RAB11FIP1: variants seen among roughly 807,000 people sequenced by gnomAD.
RAB11FIP1 encodes rab11 family-interacting protein 1.
Under a neutral mutation model 83.1 loss-of-function variants are expected in RAB11FIP1, and 49 were observed. That is an observed-to-expected ratio of 0.59 (90% CI 0.47 to 0.75). RAB11FIP1 has a LOEUF of 0.75. Ranked by LOEUF, RAB11FIP1 falls within the 30% of genes least tolerant of loss-of-function variation. The probability of loss-of-function intolerance (pLI) is 0.00; values close to 1 mark genes in which losing one functional copy is unlikely to be tolerated. For synonymous variants in RAB11FIP1, 670 were observed against 656.0 expected (o/e 1.02, Z -0.33); for missense variants, 1,536 against 1,598.7 (o/e 0.96, Z 0.67).
Position 37,875,193 on chromosome 8 carries a change from G to A in RAB11FIP1, c.944C>T (p.Ser315Phe). Residue 315 changes from serine to phenylalanine, a missense_variant, in exon 3 of 6, where the codon TCT (serine) becomes TTT (phenylalanine). By Grantham distance (155) the Ser-to-Phe change is radical. Coordinates refer to ENST00000330843, the MANE Select transcript of RAB11FIP1 (RefSeq NM_001002814.3). ...LRSKNDVLSRSNVCINGNHVY... is the reference protein window; with the variant it reads ...LRSKNDVLSRFNVCINGNHVY... ...ATGGTTCCCATTGATGCAGACATTA[G>A]AGCGGGAAAGGACATCATTCTTAGA... 4.3e-6 allele frequency: 7 copies of A among 1,614,160 alleles called. No individual in the cohort carries two copies. Among genetic ancestry groups the A allele is most frequent in the Non-Finnish European group, 5.9e-6 (7 of 1,180,032 alleles).
At chr8:37,866,763 C>T (rs1379661186) in intron 5 of RAB11FIP1, among the ~76,000 whole-genome samples, 1 of 152,018 alleles carries the variant, frequency 6.6e-6, no homozygotes, top group African/African-American at 2.4e-5. Flanking sequence ...ACCTCTCTTA[C>T]TTTGCAACAT....
At position 37,871,597 on chromosome 8, in the gene RAB11FIP1, G is replaced by A. The variant is rs201163531; in HGVS notation, c.3205C>T (p.Pro1069Ser). ...GGTTTTTCTTCCTCACCACCACTGG[G>A]GCCTGGCAGCTGTTTATCCAAGCTT... ...SSSLDKQLPG[P>S]SGGEEEKPMG... The change falls in exon 4 of 6, where the codon CCC becomes TCC. Residue 1069 changes from proline (P) to serine (S), a missense_variant. Transcript: ENST00000330843. 1.2e-4 allele frequency: 199 copies of A among 1,602,500 alleles called. 2 individuals carry two copies. The South Asian group carries it at 1.5e-3, about 12-fold the overall frequency.
intron 1 of RAB11FIP1, among the ~76,000 whole-genome samples, chr8:37,882,585 G>A (rs180991543): frequency 2.0e-5 from 3 of 152,100 alleles, no homozygotes; most frequent in East Asian, 1.9e-4. Flanking sequence ...TTTCGGGAAC[G>A]TCCTACTCTG....
rs1806472715 is a variant in RAB11FIP1, at chr8:37,871,884, T to C, written c.2918A>G (p.Asp973Gly). ...CTGATCTCCGTCATCTTCAACCTGA[T>C]CTATTCTTTCATCATCCGATGCGAC... ...PEVASDDERI[D>G]QVEDDGDQVE... Residue 973 changes from aspartate (D) to glycine (G), a missense_variant, in exon 4 of 6, where the codon GAT becomes GGT. Asp to Gly is a moderately conservative substitution (Grantham distance 94). Coordinates refer to ENST00000330843, the MANE Select transcript of RAB11FIP1 (RefSeq NM_001002814.3). 2 of 1,614,172 alleles carry C rather than the reference T, an allele frequency of 1.2e-6. No individual in the cohort carries two copies. The highest frequency in any genetic ancestry group is 1.7e-6 in the Non-Finnish European group (2 of 1,180,036).
chr8:37,887,149 T>C (rs531556134), intron 1 of RAB11FIP1, among the ~76,000 whole-genome samples: 53 of 152,302 alleles, frequency 3.5e-4, no homozygotes, highest in African/African-American at 1.2e-3. Context: ...AAATAGGTCA[T>C]GGCTTGTTTT....
At chr8:37,895,377 C>T (rs1318547802) in intron 1 of RAB11FIP1, among the ~76,000 whole-genome samples, 1 of 136,250 alleles carries the variant, frequency 7.3e-6, no homozygotes, top group Non-Finnish European at 1.5e-5. Context: ...TCCCAAAGTG[C>T]TAGGATTACA....
chr8:37,892,425 A>ATATT (rs146042883), intron 1 of RAB11FIP1, among the ~76,000 whole-genome samples: 18,045 of 144,062 alleles, frequency 0.13, 1,226 homozygotes, highest in Middle Eastern at 0.22. Flanking sequence ...ACTTTTATTT[A>ATATT]TATTTATTTA....
chr8:37,887,818 A>G (rs1471887458), intron 1 of RAB11FIP1, among the ~76,000 whole-genome samples: 2 of 152,250 alleles, frequency 1.3e-5, no homozygotes, highest in East Asian at 3.8e-4. Context: ...TTAGCTGTAC[A>G]TATGCAATTT....
At chr8:37,868,743 A>G (rs1047009584) in intron 5 of RAB11FIP1, among the ~76,000 whole-genome samples, 2 of 152,202 alleles carry the variant, frequency 1.3e-5, no homozygotes, top group African/African-American at 4.8e-5. Flanking sequence ...GATGAAGACA[A>G]TCCTAGGCAG....
At chr8:37,895,244 TATATATATATATATA>T (rs1470573338) in intron 1 of RAB11FIP1, among the ~76,000 whole-genome samples, 22 of 11,930 alleles carry the variant, frequency 1.8e-3, no homozygotes, top group African/African-American at 2.7e-3. Flanking sequence ...TATATATATA[TATATATATATATATA>T]TTTTTTTTTT....
rs537114229 is a variant in RAB11FIP1, at chr8:37,889,055, G to A, written c.371+10016C>T. Among the ~76,000 whole-genome samples the A allele has an allele frequency of 3.3e-5, 5 of 151,070 alleles. No individual in the cohort carries two copies. The South Asian group carries it at 1.1e-3, about 32-fold the overall frequency. ...CTCGTGATCTGCCCGCCTCGGCCTC[G>A]CAAAGTGCTGGGATTACAGGCATGA... On this transcript the variant is annotated intron_variant, in intron 1 of 5. Transcript: ENST00000330843.
In RAB11FIP1 at chr8:37,871,557, C is replaced by T; in HGVS notation, c.3245G>A (p.Ser1082Asn). Residue 1082 changes from serine (S) to asparagine (N), a missense_variant, in exon 4 of 6, where the codon AGT (serine) becomes AAT (asparagine). Ser to Asn is a conservative substitution (Grantham distance 46). Transcript: ENST00000330843. ...GGATGTGCCAGGAGGCGGGCTTGGA[C>T]TCCCATTTCCCATCGGTTTTTCTTC... ...GEEEKPMGNG[S>N]PSPPPGTSLD... The T allele has an allele frequency of 6.3e-7, 1 of 1,598,390 alleles. No homozygotes were observed. Among genetic ancestry groups the T allele is most frequent in the East Asian group, 2.2e-5 (1 of 44,658 alleles).
rs753607868 is a variant in RAB11FIP1 at position 37,872,996 on chromosome 8, T to A, written c.1806A>T (p.Ile602=). 6.2e-7 allele frequency: 1 copy of A among 1,614,084 alleles called. No individual in the cohort carries two copies. Among genetic ancestry groups the A allele is most frequent in the Admixed American group, 1.7e-5 (1 of 60,018 alleles). ...PSVFSSLSSP[I]AAPISTSTPI... is the part of the protein sequence containing the mutation. ...GAGTGGATGTGGAAATGGGAGCTGC[T>A]ATGGGAGATGAGAGAGAGGAGAAGA... The change falls in exon 4 of 6, where the codon ATA becomes ATT. Residue 602 remains isoleucine (I), a synonymous_variant. Coordinates refer to ENST00000330843, the MANE Select transcript of RAB11FIP1 (RefSeq NM_001002814.3).
Position 37,872,194 on chromosome 8 carries a change from G to A in RAB11FIP1, c.2608C>T (p.Pro870Ser). 6.2e-7 allele frequency: 1 copy of A among 1,614,100 alleles called. No homozygotes were observed. The highest frequency in any genetic ancestry group is 2.2e-5 in the East Asian group (1 of 44,858). ...EDSERESVTT[P>S]GPATCGAPAS... ...GGCGCACCACACGTCGCTGGCCCAG[G>A]TGTGGTCACCGATTCCCTTTCTGAG... is the stretch of plus-strand genomic sequence containing the variant. The change falls in exon 4 of 6, where the codon CCT becomes TCT. Residue 870 changes from proline (P) to serine (S), a missense_variant. Physicochemically the swap from Pro to Ser is moderately conservative, Grantham distance 74. Transcript: ENST00000330843.
In RAB11FIP1 at chr8:37,874,990, C is replaced by A; in HGVS notation, c.1147G>T (p.Glu383Ter). The A allele has an allele frequency of 6.2e-7, 1 of 1,614,114 alleles. No homozygotes were observed. The highest frequency in any genetic ancestry group is 8.5e-7 in the Non-Finnish European group (1 of 1,180,020). The change falls in exon 3 of 6, where the codon GAA becomes TAA. Residue 383 changes from glutamate (E) to a stop codon, truncating the protein, a stop_gained. Transcript: ENST00000330843. LOFTEE classifies it high-confidence loss of function. ...GGLSSDRQLS[E>*]SSTKDSLKSM... is the part of the protein sequence containing the mutation. The stretch of plus-strand genomic sequence containing the variant: ...TTCAAGGAGTCCTTGGTGGAAGATT[C>A]GGAGAGCTGCCTGTCAGAAGACAGC...
At chr8:37,867,756 A>AGAAG (rs955290067) in intron 5 of RAB11FIP1, among the ~76,000 whole-genome samples, 17 of 151,980 alleles carry the variant, frequency 1.1e-4, no homozygotes, top group South Asian at 4.2e-4. Flanking sequence ...AAAGAAGGAA[A>AGAAG]GAAGGAAGGA....
At position 37,875,265 on chromosome 8, in the gene RAB11FIP1, A is replaced by G; in HGVS notation, c.872T>C (p.Phe291Ser). The change falls in exon 3 of 6, where the codon TTT (phenylalanine) becomes TCT (serine). Residue 291 changes from phenylalanine to serine, a missense_variant. Phe to Ser is a radical substitution (Grantham distance 155, BLOSUM62 -2). Coordinates refer to ENST00000330843, the MANE Select transcript of RAB11FIP1 (RefSeq NM_001002814.3). ...TDLKQLNQVN[F>S]TLPKKEGLSF... Reference sequence around the variant, plus strand: ...AAGTCCTTCCTTCTTGGGAAGGGTAAAGTTGACCTGGTTCAGTTGCTTAAG... The same window carrying G: ...AAGTCCTTCCTTCTTGGGAAGGGTAGAGTTGACCTGGTTCAGTTGCTTAAG... The G allele has an allele frequency of 1.2e-6, 2 of 1,613,950 alleles. No homozygotes were observed. Among genetic ancestry groups the G allele is most frequent in the Non-Finnish European group, 1.7e-6 (2 of 1,179,952 alleles).
rs201159062 is a variant in RAB11FIP1 at position 37,877,126 on chromosome 8, G to A, written c.797C>T (p.Ser266Phe). The A allele has an allele frequency of 3.3e-5, 53 of 1,612,668 alleles. No homozygotes were observed. The highest frequency in any genetic ancestry group is 4.2e-5 in the Non-Finnish European group (50 of 1,178,890). The change falls in exon 2 of 6, where the codon TCC (serine) becomes TTC (phenylalanine). Residue 266 changes from serine to phenylalanine, a missense_variant. Ser to Phe is a radical substitution (Grantham distance 155). Transcript: ENST00000330843. ...AAACTCACCATCCGAGGCCGAGGAG[G>A]ACTCATCCTCATTGTCATCTTCATC... ...QWDEDDNEDE[S>F]SSASDVMSHK...
rs1467321726 is a variant in RAB11FIP1 at position 37,875,250 on chromosome 8, T to C, written c.887A>G (p.Lys296Arg). The stretch of plus-strand genomic sequence containing the variant: ...GCCACCAAGAAAGGAAAGTCCTTCC[T>C]TCTTGGGAAGGGTAAAGTTGACCTG... ...LNQVNFTLPK[K>R]EGLSFLGGLR... The change falls in exon 3 of 6, where the codon AAG (lysine) becomes AGG (arginine). Residue 296 changes from lysine to arginine, a missense_variant. Lys to Arg is a conservative substitution (Grantham distance 26, BLOSUM62 2). Coordinates refer to ENST00000330843, the MANE Select transcript of RAB11FIP1 (RefSeq NM_001002814.3). 6.2e-7 allele frequency: 1 copy of C among 1,613,956 alleles called. No individual in the cohort carries two copies. The highest frequency in any genetic ancestry group is 8.5e-7 in the Non-Finnish European group (1 of 1,179,884).
Sources: allele counts gnomAD v4.1 joint callset (sites outside exome capture counted in the v4.1 genomes callset), GRCh38; gene constraint gnomAD v4.1.1; transcripts MANE v1.5; gene names NCBI Gene and HGNC (gene_info 2026-07-23, HGNC 2026-07-21).